The following TDRD12 variants were observed in gnomAD, a reference collection of about 807,000 sequenced individuals.
TDRD12 encodes the protein putative ATP-dependent RNA helicase TDRD12.
A neutral mutation model predicts 133.5 loss-of-function variants in TDRD12; 158 were observed. That is an observed-to-expected ratio of 1.18 (90% CI 1.04 to 1.35). The LOEUF (loss-of-function observed/expected upper bound fraction) is 1.35, where lower values mean the gene tolerates loss of function less well. Among genes scored for constraint, TDRD12 ranks in the 40% most tolerant of loss-of-function variants. TDRD12 has a pLI of 0.00. For synonymous variants in TDRD12, 460 were observed against 477.9 expected, an observed-to-expected ratio of 0.96 and a Z score of 0.49; for missense variants, 1,443 against 1,321.3, an observed-to-expected ratio of 1.09 and a Z score of -1.43.
chr19:32,730,971 C>A (rs777107392), intron 1 of TDRD12, among the ~76,000 whole-genome samples: 3 of 152,118 alleles, frequency 2.0e-5, no homozygotes, highest in Non-Finnish European at 4.4e-5. Flanking sequence ...GCTGAGATTG[C>A]GCCACTGCAC....
At chr19:32,821,383 TGTGTGTGTGTGTGTGTGTGTGTGTGTGC>T (rs1182574467), downstream of TDRD12, 6 of 337,432 alleles carry the variant, frequency 1.8e-5, no homozygotes, top group African/African-American at 2.0e-4. Context: ...TGTGTGTGTG[TGTGTGTGTGTGTGTGTGTGTGTGTGTGC>T]GTGTGAACCA....
At chr19:32,790,994 G>T in exon 13 of TDRD12, 4 of 1,536,084 alleles carry the variant, frequency 2.6e-6, no homozygotes, top group South Asian at 2.4e-5. Context: ...GCAGCCGCCC[G>T]TGGTAGTGCT....
At chr19:32,719,908 A>C in exon 1 of TDRD12, 1 of 792,994 alleles carries the variant, frequency 1.3e-6, no homozygotes, top group South Asian at 1.6e-5. Context: ...GCTCCTGGGG[A>C]CGAGGAGTGT....
chr19:32,780,278 G>A (rs1252127429), intron 11 of TDRD12, among the ~76,000 whole-genome samples: 1 of 151,902 alleles, frequency 6.6e-6, no homozygotes, highest in Admixed American at 6.5e-5. Flanking sequence ...TAGAGACGGG[G>A]TTTCGCCATG....
chr19:32,800,397 G>A (rs1971353656), intron 17 of TDRD12, 39 bp downstream of exon 17: 3 of 1,387,224 alleles, frequency 2.2e-6, no homozygotes, highest in East Asian at 5.1e-5. Flanking sequence ...GTGTGTGTGT[G>A]TGTGTATGTG....
chr19:32,722,754 A>G (rs1260468020), intron 1 of TDRD12, among the ~76,000 whole-genome samples: 1 of 148,260 alleles, frequency 6.7e-6, no homozygotes, highest in South Asian at 2.1e-4. Flanking sequence ...ATCTCGGCTC[A>G]CTGCAACCTC....
At chr19:32,773,432 C>G (rs1202249130) in intron 9 of TDRD12, 24 bp from the exon 10 acceptor site, 2 of 1,548,494 alleles carry the variant, frequency 1.3e-6, no homozygotes, top group Admixed American at 3.9e-5. Flanking sequence ...CACATTCTTT[C>G]TGAAGAAAAG....
At chr19:32,802,444 C>T (rs1302573942) in intron 19 of TDRD12, among the ~76,000 whole-genome samples, 2 of 151,714 alleles carry the variant, frequency 1.3e-5, no homozygotes. Flanking sequence ...TAATAAGAGA[C>T]ATTTTTCAGG....
Position 32,772,860 on chromosome 19 carries a change from T to TA in TDRD12, c.963+15dup. The TA allele has an allele frequency of 7.2e-7, 1 of 1,387,548 alleles. No individual in the cohort carries two copies. The highest frequency in any genetic ancestry group is 1.6e-5 in the South Asian group (1 of 63,098). The allele number at this position is 1,387,548 out of a possible 1,614,324, so 86.0% of individuals were successfully genotyped here. The stretch of plus-strand genomic sequence containing the variant: ...AAAAGATACAAATAAGGTTGTATTT[T>TA]AAAAATGTTCTTTAAATACAAAGTT... On this transcript the variant is annotated intron_variant, in intron 9 of 27. Transcript: ENST00000444215.
intron 10 of TDRD12, among the ~76,000 whole-genome samples, chr19:32,775,254 T>C (rs6510287): frequency 0.08 from 12,174 of 152,240 alleles, 844 homozygotes; most frequent in East Asian, 0.24. Flanking sequence ...ATGATTCTAC[T>C]GATCTGTCTG....
At chr19:32,744,353 A>AGCC (rs1364955441) in intron 4 of TDRD12, among the ~76,000 whole-genome samples, 1 of 151,750 alleles carries the variant, frequency 6.6e-6, no homozygotes, top group Non-Finnish European at 1.5e-5. Context: ...CACAAAAATT[A>AGCC]GCCAGGCGCA....
At chr19:32,821,407 T>C (rs959984516), downstream of TDRD12, 434 of 144,480 alleles carry the variant, frequency 3.0e-3, 3 homozygotes, top group Admixed American at 7.2e-3. Flanking sequence ...TGTGTGTGTG[T>C]GTGCGTGTGA....
intron 8 of TDRD12, among the ~76,000 whole-genome samples, chr19:32,764,650 T>C (rs934272829): frequency 2.0e-5 from 3 of 152,232 alleles, no homozygotes; most frequent in Non-Finnish European, 4.4e-5. Flanking sequence ...AAATCTTCTT[T>C]ATCTTTATTG....
At chr19:32,802,214 T>C (rs1971417986) in intron 19 of TDRD12, among the ~76,000 whole-genome samples, 1 of 127,178 alleles carries the variant, frequency 7.9e-6, no homozygotes, top group African/African-American at 3.4e-5. Context: ...TGATCATATA[T>C]ATGATAGTGA....
chr19:32,781,323 C>T (rs547949620), intron 11 of TDRD12, among the ~76,000 whole-genome samples: 8 of 152,192 alleles, frequency 5.3e-5, no homozygotes, highest in Non-Finnish European at 1.0e-4. Flanking sequence ...TGTCTTTGGA[C>T]ATCCCTCCAG....
Position 32,790,742 on chromosome 19 carries a change from G to A in TDRD12, c.1182+151G>A, listed in dbSNP as rs769248097. 60 of 1,530,474 alleles carry A rather than the reference G, an allele frequency of 3.9e-5. No individual in the cohort carries two copies. In the Middle Eastern group the frequency reaches 4.4e-3, roughly 112 times the overall value. The allele number at this position is 1,530,474 out of a possible 1,614,324, so 94.8% of individuals were successfully genotyped here. A position where few individuals can be genotyped will look rare whatever the true frequency, so the allele number is the denominator to read the frequency against. Reference sequence around the variant, plus strand: ...TGAAGACATCCTTTTAGAAACGATCGAATGGATTGTTGCTTCTGAGAAATT... The same window carrying A: ...TGAAGACATCCTTTTAGAAACGATCAAATGGATTGTTGCTTCTGAGAAATT... On this transcript the variant is annotated intron_variant, in intron 12 of 27. Transcript: ENST00000444215.
downstream of TDRD12, chr19:32,826,046 T>C: frequency 7.4e-7 from 1 of 1,354,786 alleles, no homozygotes; most frequent in South Asian, 1.3e-5. Context: ...GTGTACATGA[T>C]GGAGTTACAT....
intron 1 of TDRD12, among the ~76,000 whole-genome samples, chr19:32,721,741 T>C (rs1396774804): frequency 7.3e-6 from 1 of 137,920 alleles, no homozygotes; most frequent in Non-Finnish European, 1.5e-5. Flanking sequence ...GGAGTCTTGC[T>C]CAGTCACCCA....
rs1373842397 is a variant in TDRD12, at chr19:32,802,921, G to T, written c.2332-1G>T. On this transcript the variant is annotated splice_acceptor_variant, in intron 20 of 27. Transcript: ENST00000444215. LOFTEE classifies it high-confidence loss of function. ...TTCCTTTATTCACCCCCAATTTTCA[G>T]GGTTCTCCTGCAGAACAGGGAGATA... The T allele has an allele frequency of 8.5e-6, 13 of 1,533,598 alleles. No homozygotes were observed. Among genetic ancestry groups the T allele is most frequent in the South Asian group, 3.6e-5 (3 of 83,714 alleles). 95.0% of individuals were successfully genotyped at this position (1,533,598 alleles called of 1,614,324 possible).
Sources: allele counts gnomAD v4.1 joint callset (sites outside exome capture counted in the v4.1 genomes callset), GRCh38; gene constraint gnomAD v4.1.1; transcripts MANE v1.5; gene names NCBI Gene and HGNC (gene_info 2026-07-23, HGNC 2026-07-21).